NMUR2: variants seen among roughly 807,000 people sequenced by gnomAD.
NMUR2 encodes the protein neuromedin U receptor 2, also known as neuromedin-U receptor 2.
In NMUR2, 24 loss-of-function variants were observed where a neutral mutation model predicts 25.1. The ratio of observed to expected loss-of-function variants is 0.96; its 90% CI spans 0.69 to 1.34. The LOEUF (loss-of-function observed/expected upper bound fraction) is 1.34, where lower values mean the gene tolerates loss of function less well. NMUR2 is among the 40% of genes most tolerant of loss of function. The pLI is 0.00. For synonymous variants in NMUR2, 218 were observed against 208.1 expected, an observed-to-expected ratio of 1.05 and a Z score of -0.41; for missense variants, 533 against 512.8, an observed-to-expected ratio of 1.04 and a Z score of -0.38.
intron 3 of NMUR2, among the ~76,000 whole-genome samples, chr5:152,393,341 T>C (rs1009839788): frequency 4.6e-5 from 7 of 152,160 alleles, no homozygotes; most frequent in Non-Finnish European, 8.8e-5. Context: ...AGGTTGAGAA[T>C]GGCTAAGAAT....
chr5:152,402,817 G>C (rs1346579762), intron 1 of NMUR2, among the ~76,000 whole-genome samples: 11 of 152,132 alleles, frequency 7.2e-5, no homozygotes, highest in Admixed American at 6.5e-4. Flanking sequence ...CATGTCTCTG[G>C]GAATACAGGT....
intron 3 of NMUR2, among the ~76,000 whole-genome samples, chr5:152,392,953 C>T (rs1204246047): frequency 6.6e-6 from 1 of 152,170 alleles, no homozygotes; most frequent in Non-Finnish European, 1.5e-5. Flanking sequence ...CCTTATAATG[C>T]TAAGATACGG....
chr5:152,403,823 G>A (rs1753298413), intron 1 of NMUR2, among the ~76,000 whole-genome samples: 1 of 151,730 alleles, frequency 6.6e-6, no homozygotes, highest in Non-Finnish European at 1.5e-5. Context: ...AAGGGTCGGA[G>A]CAACCACAGT....
At chr5:152,394,204 C>T (rs183816619) in intron 3 of NMUR2, among the ~76,000 whole-genome samples, 11 of 152,124 alleles carry the variant, frequency 7.2e-5, no homozygotes, top group East Asian at 5.8e-4. Flanking sequence ...TTCTGTTTTC[C>T]GCAGATTAAC....
chr5:152,397,686 T>A (rs1322791522), intron 2 of NMUR2, among the ~76,000 whole-genome samples: 2 of 152,142 alleles, frequency 1.3e-5, no homozygotes, highest in Non-Finnish European at 2.9e-5. Context: ...CCTGCTTATT[T>A]CACAGAGGGG....
At position 152,392,258 on chromosome 5, in the gene NMUR2, G is replaced by A. The variant is rs1188711559; in HGVS notation, c.1181C>T (p.Pro394Leu). Reference protein sequence around the residue: ...CQSSMHNSHLPAALSSEQMSR... With the variant: ...CQSSMHNSHLLAALSSEQMSR... ...CATCTGTTCACTAGAGAGGGCTGCTGGGAGGTGAGAGTTGTGCATGGATGA... is the reference window on the plus strand; with the variant it reads ...CATCTGTTCACTAGAGAGGGCTGCTAGGAGGTGAGAGTTGTGCATGGATGA... The change falls in exon 4 of 4, where the codon CCA becomes CTA. Residue 394 changes from proline (P) to leucine (L), a missense_variant. Transcript: ENST00000255262. The A allele has an allele frequency of 6.2e-7, 1 of 1,613,844 alleles. No homozygotes were observed. The highest frequency in any genetic ancestry group is 8.5e-7 in the Non-Finnish European group (1 of 1,179,850).
chr5:152,404,405 A>G lies in NMUR2; in HGVS notation c.709T>C (p.Tyr237His). ...LPMTVISVLY[Y>H]LMALRLKKDK... ...ATACTCACTCTGAGTGCCATGAGGT[A>G]GTAGAGGACACTGATGACAGTCATG... is the stretch of plus-strand genomic sequence containing the variant. Residue 237 changes from tyrosine to histidine, a missense_variant, in exon 1 of 4, where the codon TAC (tyrosine) becomes CAC (histidine). Tyr to His is a moderately conservative substitution (Grantham distance 83). Transcript: ENST00000255262. 2 of 1,613,420 alleles carry G rather than the reference A, an allele frequency of 1.2e-6. No individual in the cohort carries two copies. The highest frequency in any genetic ancestry group is 1.7e-6 in the Non-Finnish European group (2 of 1,179,592).
Position 152,398,104 on chromosome 5 carries a change from G to T in NMUR2, c.767C>A (p.Ala256Glu), listed in dbSNP as rs960292260. ...DKSLEADEGN[A>E]NIQRPCRKSV... Reference sequence around the variant, plus strand: ...TTTTCTGCAGGGTCTTTGAATATTTGCATTCCCTTCATCTGCCTCAAGAGA... The same window carrying T: ...TTTTCTGCAGGGTCTTTGAATATTTTCATTCCCTTCATCTGCCTCAAGAGA... Residue 256 changes from alanine to glutamate, a missense_variant, in exon 2 of 4, where the codon GCA becomes GAA. Transcript: ENST00000255262. 1.9e-6 allele frequency: 3 copies of T among 1,613,216 alleles called. No individual in the cohort carries two copies. The highest frequency in any genetic ancestry group is 1.3e-5 in the African/African-American group (1 of 74,898).
chr5:152,399,936 T>C lies in NMUR2; in HGVS notation c.727-1792A>G, dbSNP rs960258006. ...AAGATAAGGAAGAAATTGTTGTGAT[T>C]ATGTGCAATAATGAAACAAACTGCT... On this transcript the variant is annotated intron_variant, in intron 1 of 3. Transcript: ENST00000255262. 2.0e-5 allele frequency among the ~76,000 whole-genome samples: 3 copies of C among 152,176 alleles called. 1 individual carries two copies. Among genetic ancestry groups the C allele is most frequent in the South Asian group, 4.1e-4 (2 of 4,830 alleles).
chr5:152,399,077 C>T (rs899392327), intron 1 of NMUR2, among the ~76,000 whole-genome samples: 2 of 152,108 alleles, frequency 1.3e-5, no homozygotes, highest in Non-Finnish European at 2.9e-5. Flanking sequence ...TGAAGATCTA[C>T]ATCATTCATC....
chr5:152,404,496 G>GGTC lies in NMUR2; in HGVS notation c.617_618insGAC (p.Val206_Ile207insThr). The GGTC allele has an allele frequency of 6.2e-7, 1 of 1,614,138 alleles. No homozygotes were observed. Among genetic ancestry groups the GGTC allele is most frequent in the Admixed American group, 1.7e-5 (1 of 60,032 alleles). On this transcript the variant is annotated inframe_insertion, in exon 1 of 4. Transcript: ENST00000255262. ...AATTGTAGATCCACATGGGCTTGAT[G>GGTC]ACCGTACAGGTGGCCGAACCTGGGA...
chr5:152,403,089 A>G (rs1156498909), intron 1 of NMUR2, among the ~76,000 whole-genome samples: 2 of 152,188 alleles, frequency 1.3e-5, no homozygotes, highest in African/African-American at 4.8e-5. Flanking sequence ...TGTGAATGTG[A>G]TATCTGTTTG....
intron 2 of NMUR2, 75 bp from the exon 3 acceptor site, chr5:152,395,659 A>G: frequency 1.3e-6 from 2 of 1,522,088 alleles, no homozygotes; most frequent in Non-Finnish European, 1.8e-6. Context: ...ACTCTGAGTC[A>G]ATCATTTCTT....
intron 3 of NMUR2, among the ~76,000 whole-genome samples, chr5:152,394,205 G>A (rs953402747): frequency 6.6e-6 from 1 of 151,996 alleles, no homozygotes; most frequent in Non-Finnish European, 1.5e-5. Context: ...TCTGTTTTCC[G>A]CAGATTAACC....
Position 152,405,167 on chromosome 5 carries a change from C to CA in NMUR2, c.-55dup. ...TACGAGGCTCTGTTTCAAGCTGAGCCAGGAAAAAAAAAAAAAAAAGAAAAA... is the reference window on the plus strand; with the variant it reads ...TACGAGGCTCTGTTTCAAGCTGAGCCAAGGAAAAAAAAAAAAAAAAGAAAAA... On this transcript the variant is annotated 5_prime_UTR_variant, in exon 1 of 4. Transcript: ENST00000255262. The CA allele has an allele frequency of 2.4e-6, 3 of 1,244,666 alleles. No homozygotes were observed. Among genetic ancestry groups the CA allele is most frequent in the Non-Finnish European group, 3.1e-6 (3 of 955,694 alleles). 77.1% of individuals were successfully genotyped at this position (1,244,666 alleles called of 1,614,324 possible). A position where few individuals can be genotyped will look rare whatever the true frequency, so the allele number is the denominator to read the frequency against.
chr5:152,398,188 A>G, intron 1 of NMUR2, 44 bp from the exon 2 acceptor site: 1 of 1,392,452 alleles, frequency 7.2e-7, no homozygotes, highest in Non-Finnish European at 1.0e-6. Flanking sequence ...AAAGAGAAAC[A>G]TTTTTCCTCC....
chr5:152,403,693 T>C (rs2113103986), intron 1 of NMUR2, among the ~76,000 whole-genome samples: 1 of 148,394 alleles, frequency 6.7e-6, no homozygotes, highest in East Asian at 1.9e-4. Context: ...ATGTCATTAA[T>C]ATATATGATT....
chr5:152,402,977 G>T (rs1012435584), intron 1 of NMUR2, among the ~76,000 whole-genome samples: 4 of 152,142 alleles, frequency 2.6e-5, no homozygotes, highest in Non-Finnish European at 5.9e-5. Context: ...GACTACCATT[G>T]GGCACTCGCT....
At chr5:152,403,365 T>C (rs1753291491) in intron 1 of NMUR2, among the ~76,000 whole-genome samples, 1 of 152,148 alleles carries the variant, frequency 6.6e-6, no homozygotes, top group South Asian at 2.1e-4. Context: ...GGTGTAAAAT[T>C]GTCATTGTGA....
Sources: gnomAD v4.1 joint callset for allele counts (sites outside exome capture counted in the v4.1 genomes callset) on GRCh38, gnomAD v4.1.1 for gene constraint, MANE v1.5 for transcripts, NCBI Gene and HGNC (gene_info 2026-07-23, HGNC 2026-07-21) for gene names.